CHD7: variants seen among roughly 807,000 people sequenced by gnomAD.
The protein encoded by CHD7 is ATP-dependent chromatin remodeler CHD7.
Under a neutral mutation model 307.3 loss-of-function variants are expected in CHD7, and 24 were observed. The observed-to-expected ratio is 0.08, with a 90% confidence interval of 0.06 to 0.11. The LOEUF (loss-of-function observed/expected upper bound fraction) is 0.11. Among genes scored for constraint, CHD7 ranks in the 10% least tolerant of loss-of-function variants. The pLI, the probability that CHD7 is intolerant of heterozygous loss-of-function variation, is 1.00. For synonymous variants in CHD7, 1,363 were observed against 1,349.9 expected, an observed-to-expected ratio of 1.01 and a Z score of -0.21; for missense variants, 3,106 against 3,727.1, an observed-to-expected ratio of 0.83 and a Z score of 4.34.
intron 1 of CHD7, among the ~76,000 whole-genome samples, chr8:60,733,049 A>G (rs1808532072): frequency 6.6e-6 from 1 of 152,068 alleles, no homozygotes; most frequent in African/African-American, 2.4e-5. Flanking sequence ...AGTTTGGGCA[A>G]CATAGTGAGA....
At chr8:60,805,980 A>G (rs1179305833) in intron 6 of CHD7, among the ~76,000 whole-genome samples, 1 of 152,164 alleles carries the variant, frequency 6.6e-6, no homozygotes, top group Non-Finnish European at 1.5e-5. Flanking sequence ...CAAAGGATCT[A>G]GTTTCATCCT....
intron 1 of CHD7, among the ~76,000 whole-genome samples, chr8:60,698,539 ACT>A (rs1806602915): frequency 1.3e-5 from 2 of 152,196 alleles, no homozygotes; most frequent in Middle Eastern, 3.4e-3. Context: ...TAGTTGCAGT[ACT>A]CTCTGCCTTT....
intron 24 of CHD7, 25 bp from the exon 25 acceptor site, chr8:60,849,026 A>G: frequency 6.4e-7 from 1 of 1,560,112 alleles, no homozygotes; most frequent in Non-Finnish European, 8.8e-7. Flanking sequence ...TAATACTAAT[A>G]TTTCTTATAA....
intron 17 of CHD7, 136 bp downstream of exon 17, chr8:60,837,148 C>A: frequency 3.0e-6 from 2 of 661,956 alleles, no homozygotes; most frequent in Non-Finnish European, 5.0e-6. Context: ...AGCAAATAAC[C>A]AACTAGTAAT....
Position 60,862,342 on chromosome 8 carries a change from C to T in CHD7, c.7971+6C>T, listed in dbSNP as rs769103057. On this transcript the variant is annotated splice_donor_region_variant and intron_variant, in intron 36 of 37. Transcript: ENST00000423902. ...ATAAACGAAATGGGAAGAAGGTAAA[C>T]GCTGGGAAAGGGAATTGATCACTAT... 2.9e-5 allele frequency: 46 copies of T among 1,597,672 alleles called. No individual in the cohort carries two copies. Among genetic ancestry groups the T allele is most frequent in the Admixed American group, 8.8e-5 (5 of 57,018 alleles).
Position 60,820,074 on chromosome 8 carries a change from C to G in CHD7, c.2681C>G (p.Thr894Arg). Residue 894 changes from threonine (T) to arginine (R), a missense_variant, in exon 9 of 38, where the codon ACA (threonine) becomes AGA (arginine). This residue lies in a region of CHD7 where 188 missense variants were observed against 261.7 expected (regional missense o/e 0.72). Coordinates refer to ENST00000423902, the MANE Select transcript of CHD7 (RefSeq NM_017780.4). ...CGGATAATGGACTTTGCACGTAGCACAGATGACCGGGGAGAGGTAACAGGA... is the reference window on the plus strand; with the variant it reads ...CGGATAATGGACTTTGCACGTAGCAGAGATGACCGGGGAGAGGTAACAGGA... ...VDRIMDFARS[T>R]DDRGEPVTHY... The G allele has an allele frequency of 6.2e-7, 1 of 1,607,882 alleles. No individual in the cohort carries two copies. The highest frequency in any genetic ancestry group is 8.5e-7 in the Non-Finnish European group (1 of 1,176,382).
In CHD7 at chr8:60,742,829, C is replaced by T. The variant is rs71640285; in HGVS notation, c.1397C>T (p.Ser466Leu). ...QQSRPFIGMS[S>L]APRELTGHMR... is the part of the protein sequence containing the mutation. ...TCTCGTCCATTTATAGGCATGTCCT[C>T]GGCACCAAGGGAATTGACTGGGCAC... Residue 466 changes from serine (S) to leucine (L), a missense_variant, in exon 2 of 38, where the codon TCG becomes TTG. Ser to Leu is a moderately radical substitution (Grantham distance 145, BLOSUM62 -2). This residue lies in a region of CHD7 where 998 missense variants were observed against 1,004.5 expected (regional missense o/e 0.99). Transcript: ENST00000423902. The T allele has an allele frequency of 2.0e-3, 3,182 of 1,613,542 alleles. 5 individuals are homozygous for T. The highest frequency in any genetic ancestry group is 2.5e-3 in the Non-Finnish European group (2,944 of 1,179,642).
intron 8 of CHD7, among the ~76,000 whole-genome samples, chr8:60,817,277 C>A (rs1803794095): frequency 6.6e-6 from 1 of 152,150 alleles, no homozygotes. Flanking sequence ...AAAGAGTTGA[C>A]AGAATGTAGA....
intron 1 of CHD7, among the ~76,000 whole-genome samples, chr8:60,719,977 G>T (rs147004202): frequency 3.0e-4 from 45 of 152,344 alleles, no homozygotes; most frequent in African/African-American, 9.9e-4. Flanking sequence ...AGTAGGAAGT[G>T]AAAGCCCCCA....
intron 13 of CHD7, among the ~76,000 whole-genome samples, chr8:60,826,929 G>T (rs1284742620): frequency 6.6e-6 from 1 of 152,218 alleles, no homozygotes; most frequent in Non-Finnish European, 1.5e-5. Context: ...ACATCTGCTA[G>T]CATAGGTGGA....
At chr8:60,780,708 T>C (rs1811170804) in intron 2 of CHD7, among the ~76,000 whole-genome samples, 3 of 152,242 alleles carry the variant, frequency 2.0e-5, no homozygotes, top group Admixed American at 2.0e-4. Context: ...TGTAGGCTGT[T>C]TAAAAAACAG....
intron 1 of CHD7, among the ~76,000 whole-genome samples, chr8:60,716,422 C>T (rs1249026027): frequency 6.6e-6 from 1 of 152,190 alleles, no homozygotes; most frequent in Admixed American, 6.5e-5. Flanking sequence ...ACACTTTGTC[C>T]TTGCTGTCCT....
chr8:60,729,627 T>G (rs948609228), intron 1 of CHD7, among the ~76,000 whole-genome samples: 6 of 152,212 alleles, frequency 3.9e-5, no homozygotes, highest in Non-Finnish European at 7.3e-5. Flanking sequence ...CACTGTATTT[T>G]GAAACTGAGT....
chr8:60,787,892 G>A (rs1811577272), intron 3 of CHD7, among the ~76,000 whole-genome samples: 1 of 145,104 alleles, frequency 6.9e-6, no homozygotes, highest in Non-Finnish European at 1.5e-5. Flanking sequence ...GCAGTGGCAC[G>A]ATCTCGGCTC....
chr8:60,767,530 G>T (rs1272024458), intron 2 of CHD7, among the ~76,000 whole-genome samples: 2 of 152,348 alleles, frequency 1.3e-5, no homozygotes, highest in East Asian at 3.9e-4. Context: ...GCCTTGGCTG[G>T]TGCTCAGTGG....
chr8:60,791,313 T>C (rs1050905906), intron 3 of CHD7, among the ~76,000 whole-genome samples: 2 of 152,222 alleles, frequency 1.3e-5, no homozygotes, highest in Non-Finnish European at 2.9e-5. Context: ...GGCCTAGTTA[T>C]TCTTCCAACT....
intron 18 of CHD7, 42 bp downstream of exon 18, chr8:60,837,877 T>G: frequency 6.5e-7 from 1 of 1,542,124 alleles, no homozygotes; most frequent in Non-Finnish European, 8.8e-7. Context: ...ATTCTGGCAC[T>G]TTCCTTTATT....
chr8:60,806,129 G>A (rs925395113), intron 6 of CHD7, among the ~76,000 whole-genome samples: 3 of 152,288 alleles, frequency 2.0e-5, no homozygotes, highest in Non-Finnish European at 4.4e-5. Context: ...TTGGGAAGCC[G>A]AGGTGGGCAG....
chr8:60,680,388 G>A (rs1365645628), intron 1 of CHD7, among the ~76,000 whole-genome samples: 1 of 114,910 alleles, frequency 8.7e-6, no homozygotes, highest in Non-Finnish European at 1.8e-5. Context: ...GCGCGGGGCT[G>A]TCGAGGTCGC....
Sources: allele counts gnomAD v4.1 joint callset (sites outside exome capture counted in the v4.1 genomes callset), GRCh38; gene constraint gnomAD v4.1.1; regional missense constraint gnomAD v4.1.1; transcripts MANE v1.5; gene names NCBI Gene and HGNC (gene_info 2026-07-23, HGNC 2026-07-21).